Variants in MB21D2 observed in about 807,000 individuals in gnomAD.
MB21D2 encodes Mab-21 domain containing 2, also known as nucleotidyltransferase MB21D2.
MB21D2 carries 9 observed loss-of-function variants against 33.3 expected under a neutral mutation model. That is an observed-to-expected ratio of 0.27 (90% CI 0.16 to 0.47). The LOEUF (loss-of-function observed/expected upper bound fraction) is 0.47. MB21D2 is among the 20% of genes least tolerant of loss of function. MB21D2 has a pLI of 0.99. For synonymous variants in MB21D2, 241 were observed against 236.3 expected (o/e 1.02, Z -0.18); for missense variants, 540 against 624.6 (o/e 0.86, Z 1.44).
intron 1 of MB21D2, among the ~76,000 whole-genome samples, chr3:192,808,975 C>T (rs1019012950): frequency 6.6e-6 from 1 of 152,040 alleles, no homozygotes; most frequent in Non-Finnish European, 1.5e-5. Flanking sequence ...CATCTCATGA[C>T]AAGGACTCTC....
intron 1 of MB21D2, among the ~76,000 whole-genome samples, chr3:192,875,096 T>C (rs760347762): frequency 6.6e-6 from 1 of 152,176 alleles, no homozygotes; most frequent in Non-Finnish European, 1.5e-5. Flanking sequence ...ACTGATACAG[T>C]GTTTAACAAA....
chr3:192,824,836 T>C (rs1425919289), intron 1 of MB21D2, among the ~76,000 whole-genome samples: 16 of 152,230 alleles, frequency 1.1e-4, no homozygotes. Flanking sequence ...GTGTTTTTTA[T>C]GAAATTTTTT....
chr3:192,894,317 G>A (rs1448773267), intron 1 of MB21D2, among the ~76,000 whole-genome samples: 4 of 151,828 alleles, frequency 2.6e-5, no homozygotes, highest in Non-Finnish European at 5.9e-5. Flanking sequence ...TTTTAATAGA[G>A]ACGAGGCTTC....
At chr3:192,908,298 A>G (rs1714254889) in intron 1 of MB21D2, among the ~76,000 whole-genome samples, 1 of 152,174 alleles carries the variant, frequency 6.6e-6, no homozygotes, top group Non-Finnish European at 1.5e-5. Flanking sequence ...TGCTGCAAAG[A>G]TAAATAAGCC....
intron 1 of MB21D2, among the ~76,000 whole-genome samples, chr3:192,819,226 T>C (rs1711992812): frequency 6.6e-6 from 1 of 152,148 alleles, no homozygotes; most frequent in South Asian, 2.1e-4. Context: ...CCCAGTTATA[T>C]ATTAAGATTT....
intron 1 of MB21D2, among the ~76,000 whole-genome samples, chr3:192,812,256 C>A (rs1369868375): frequency 1.3e-5 from 2 of 152,118 alleles, no homozygotes; most frequent in South Asian, 4.2e-4. Flanking sequence ...CCATGTTGGT[C>A]AGGCTGGTCT....
chr3:192,809,991 A>T (rs1261540207), intron 1 of MB21D2, among the ~76,000 whole-genome samples: 2 of 152,218 alleles, frequency 1.3e-5, no homozygotes, highest in Non-Finnish European at 2.9e-5. Flanking sequence ...CAGAGCCTTA[A>T]TTTGAAGGTC....
chr3:192,838,779 G>C (rs575704538), intron 1 of MB21D2, among the ~76,000 whole-genome samples: 11 of 152,296 alleles, frequency 7.2e-5, no homozygotes, highest in African/African-American at 1.2e-4. Flanking sequence ...GTCATGCCAA[G>C]AATGAAGTAG....
chr3:192,814,562 C>A (rs188693172), intron 1 of MB21D2, among the ~76,000 whole-genome samples: 23 of 152,150 alleles, frequency 1.5e-4, no homozygotes, highest in Admixed American at 8.5e-4. Flanking sequence ...TCCATGCCTG[C>A]TCAATTAAAA....
At chr3:192,905,517 A>T (rs1714190931) in intron 1 of MB21D2, among the ~76,000 whole-genome samples, 1 of 151,734 alleles carries the variant, frequency 6.6e-6, no homozygotes, top group Non-Finnish European at 1.5e-5. Context: ...GGCGCCTGTA[A>T]TCACAGCTAC....
chr3:192,839,112 G>A (rs1253466571), intron 1 of MB21D2, among the ~76,000 whole-genome samples: 1 of 152,170 alleles, frequency 6.6e-6, no homozygotes, highest in Non-Finnish European at 1.5e-5. Flanking sequence ...CAAGGATTTT[G>A]TGAGGGCTAA....
chr3:192,898,598 C>T (rs1460639412), intron 1 of MB21D2, among the ~76,000 whole-genome samples: 2 of 151,972 alleles, frequency 1.3e-5, no homozygotes, highest in Non-Finnish European at 2.9e-5. Context: ...AGTTCAAGAA[C>T]GAAGGTAAAA....
At chr3:192,811,256 C>T (rs1414829919) in intron 1 of MB21D2, among the ~76,000 whole-genome samples, 1 of 152,204 alleles carries the variant, frequency 6.6e-6, no homozygotes, top group Non-Finnish European at 1.5e-5. Context: ...TCTTTATTGG[C>T]TTTTCTCTCA....
intron 1 of MB21D2, among the ~76,000 whole-genome samples, chr3:192,890,391 G>A (rs903480321): frequency 2.6e-5 from 4 of 151,904 alleles, no homozygotes; most frequent in Middle Eastern, 3.2e-3. Context: ...AGCATATCTT[G>A]GAAACTCAAG....
chr3:192,845,604 C>T (rs970992223), intron 1 of MB21D2, among the ~76,000 whole-genome samples: 21 of 152,230 alleles, frequency 1.4e-4, no homozygotes, highest in Non-Finnish European at 2.6e-4. Context: ...CACACCCTAA[C>T]GGGTTGATAA....
chr3:192,855,706 C>T (rs1712901448), intron 1 of MB21D2, among the ~76,000 whole-genome samples: 1 of 152,214 alleles, frequency 6.6e-6, no homozygotes. Flanking sequence ...GACTAACCTC[C>T]TCTCCACTTT....
intron 1 of MB21D2, among the ~76,000 whole-genome samples, chr3:192,911,731 T>G (rs184950098): frequency 6.1e-4 from 93 of 152,260 alleles, no homozygotes; most frequent in African/African-American, 2.2e-3. Context: ...GCCTCTTCTC[T>G]CAAGGACGAA....
At chr3:192,913,548 G>T (rs1244455621) in intron 1 of MB21D2, among the ~76,000 whole-genome samples, 1 of 151,668 alleles carries the variant, frequency 6.6e-6, no homozygotes, top group Non-Finnish European at 1.5e-5. Flanking sequence ...AACTGGCCAG[G>T]CATGGTGGCT....
intron 1 of MB21D2, among the ~76,000 whole-genome samples, chr3:192,903,076 G>C (rs938014781): frequency 6.6e-6 from 1 of 152,198 alleles, no homozygotes; most frequent in African/African-American, 2.4e-5. Flanking sequence ...GCAATTAAGA[G>C]AACTTCAAAC....
Sources: allele counts gnomAD v4.1 joint callset (sites outside exome capture counted in the v4.1 genomes callset), GRCh38; gene constraint gnomAD v4.1.1; transcripts MANE v1.5; gene names NCBI Gene and HGNC (gene_info 2026-07-23, HGNC 2026-07-21).